ZFP36L1: variants seen among roughly 807,000 people sequenced by gnomAD.
ZFP36L1 encodes ZFP36 like 1 zinc finger CCCH-type, also known as mRNA decay activator protein ZFP36L1.
A neutral mutation model predicts 16.7 loss-of-function variants in ZFP36L1; 4 were observed. The ratio of observed to expected loss-of-function variants is 0.24; its 90% CI spans 0.12 to 0.55. The LOEUF (loss-of-function observed/expected upper bound fraction) is 0.55. Among genes scored for constraint, ZFP36L1 ranks in the 20% least tolerant of loss-of-function variants. The probability of loss-of-function intolerance (pLI) is 0.94; values close to 1 mark genes in which losing one functional copy is unlikely to be tolerated. For synonymous variants in ZFP36L1, 220 were observed against 190.8 expected, an observed-to-expected ratio of 1.15 and a Z score of -1.26; for missense variants, 311 against 449.2, an observed-to-expected ratio of 0.69 and a Z score of 2.78.
chr14:68,793,492 CTTG>C (rs1422384476), upstream of ZFP36L1: 14 of 986,812 alleles, frequency 1.4e-5, no homozygotes, highest in East Asian at 1.1e-4. Flanking sequence ...CTCCGGGGTT[CTTG>C]TTGTCATGTT....
Position 68,790,126 on chromosome 14 carries a change from G to C in ZFP36L1, c.424C>G (p.His142Asp). ...TGGCGGGTCAGGCTGCGGAGCTCGT[G>C]GATGCCGTGTGCGAACTGGCACTTG... ...GDKCQFAHGI[H>D]ELRSLTRHPK... The change falls in exon 2 of 2, where the codon CAC becomes GAC. Residue 142 changes from histidine (H) to aspartate (D), a missense_variant. Around this residue, in one of 4 missense-constraint regions of ZFP36L1, gnomAD observed 24 missense variants for 88.8 expected, o/e 0.27. Coordinates refer to ENST00000439696, the MANE Select transcript of ZFP36L1 (RefSeq NM_004926.4). 1 of 1,611,200 alleles carries C rather than the reference G, an allele frequency of 6.2e-7. No individual in the cohort carries two copies. Among genetic ancestry groups the C allele is most frequent in the Non-Finnish European group, 8.5e-7 (1 of 1,178,068 alleles).
intron 1 of ZFP36L1, among the ~76,000 whole-genome samples, chr14:68,791,782 G>A (rs1390267421): frequency 6.6e-6 from 1 of 151,832 alleles, no homozygotes; most frequent in African/African-American, 2.4e-5. Flanking sequence ...AGGGAGGGAA[G>A]GAAGCTGAAA....
At chr14:68,792,837 A>T in intron 1 of ZFP36L1, 45 bp downstream of exon 1, 1 of 1,612,946 alleles carries the variant, frequency 6.2e-7, no homozygotes, top group African/African-American at 1.3e-5. Flanking sequence ...TCTTAAGGCA[A>T]AAGAAAAAGA....
intron 1 of ZFP36L1, among the ~76,000 whole-genome samples, chr14:68,792,483 G>T (rs975459765): frequency 6.6e-6 from 1 of 152,244 alleles, no homozygotes; most frequent in South Asian, 2.1e-4. Flanking sequence ...CCCACGGGTG[G>T]GTAATGCCGC....
chr14:68,792,331 A>G (rs576485520), intron 1 of ZFP36L1, among the ~76,000 whole-genome samples: 2 of 152,322 alleles, frequency 1.3e-5, no homozygotes, highest in East Asian at 1.9e-4. Flanking sequence ...GGCGGACTCA[A>G]GCCCCACTGC....
At chr14:68,791,204 C>A in intron 1 of ZFP36L1, 2 of 590,214 alleles carry the variant, frequency 3.4e-6, no homozygotes, top group South Asian at 4.0e-5. Context: ...TCAGCCCTAG[C>A]CCACCCCGCC....
chr14:68,793,168 A>T (rs555944079), upstream of ZFP36L1: 3 of 1,183,284 alleles, frequency 2.5e-6, no homozygotes, highest in African/African-American at 5.1e-5. Flanking sequence ...GAGGAAAAAG[A>T]AGTTGATTGA....
chr14:68,796,080 C>T (rs769356740), upstream of ZFP36L1: 1 of 1,357,018 alleles, frequency 7.4e-7, no homozygotes, highest in Non-Finnish European at 9.8e-7. Flanking sequence ...CTCACCTGCA[C>T]TGCCGCTTCC....
chr14:68,795,993 T>C, upstream of ZFP36L1: 1 of 1,322,264 alleles, frequency 7.6e-7, no homozygotes, highest in Non-Finnish European at 1.0e-6. Context: ...GAGGCGTGCG[T>C]GGCCGTCCCC....
intron 1 of ZFP36L1, chr14:68,790,879 G>A: frequency 2.6e-6 from 1 of 378,660 alleles, no homozygotes; most frequent in Non-Finnish European, 5.0e-6. Context: ...CCCCGCCACC[G>A]CCCGCGACAA....
rs1895007143 is a variant in ZFP36L1 at position 68,789,495 on chromosome 14, G to C, written c.*38C>G. 2 of 1,611,762 alleles carry C rather than the reference G, an allele frequency of 1.2e-6. No homozygotes were observed. Among genetic ancestry groups the C allele is most frequent in the East Asian group, 4.5e-5 (2 of 44,882 alleles). Reference sequence around the variant, plus strand: ...GGGTATGGGATGTGGGTGCAGGGTAGGGGCTGGAGTAGGCAGGAGGTCCCT... The same window carrying C: ...GGGTATGGGATGTGGGTGCAGGGTACGGGCTGGAGTAGGCAGGAGGTCCCT... On this transcript the variant is annotated 3_prime_UTR_variant, in exon 2 of 2. Transcript: ENST00000439696. The surrounding 1 kb of genome is among the most constrained non-coding windows in gnomAD (Gnocchi z 4.5).
chr14:68,792,563 G>A (rs750871759), intron 1 of ZFP36L1, among the ~76,000 whole-genome samples: 6 of 152,218 alleles, frequency 3.9e-5, no homozygotes, highest in African/African-American at 4.8e-5. Context: ...AGCACGTTAC[G>A]TAAAACAGGA....
Position 68,789,389 on chromosome 14 carries a change from T to G in ZFP36L1, c.*144A>C. The G allele has an allele frequency of 2.4e-6, 3 of 1,263,270 alleles. No homozygotes were observed. The highest frequency in any genetic ancestry group is 2.9e-5 in the South Asian group (2 of 69,706). 78.3% of individuals were successfully genotyped at this position (1,263,270 alleles called of 1,614,324 possible). On this transcript the variant is annotated 3_prime_UTR_variant, in exon 2 of 2. Coordinates refer to ENST00000439696, the MANE Select transcript of ZFP36L1 (RefSeq NM_004926.4). The surrounding 1 kb of genome is among the most constrained non-coding windows in gnomAD (Gnocchi z 4.5). ...TTATGAGGGGGAGAGGGAGGGCACATTCTGAGGTGCTGGGGGAAAGGGGTT... is the reference window on the plus strand; with the variant it reads ...TTATGAGGGGGAGAGGGAGGGCACAGTCTGAGGTGCTGGGGGAAAGGGGTT...
In ZFP36L1 at chr14:68,793,017, T is replaced by A. The variant is rs533054542; in HGVS notation, c.-79A>T. 2.8e-5 allele frequency: 45 copies of A among 1,606,412 alleles called. No individual in the cohort carries two copies. Among genetic ancestry groups the A allele is most frequent in the Admixed American group, 6.7e-5 (4 of 59,908 alleles). On this transcript the variant is annotated 5_prime_UTR_variant, in exon 1 of 2. Coordinates refer to ENST00000439696, the MANE Select transcript of ZFP36L1 (RefSeq NM_004926.4). The stretch of plus-strand genomic sequence containing the variant: ...GGTGCGGGGAAGGCGCAGCCTCTCC[T>A]GTCTGGAGTCCCACACGCCAGTTCC...
chr14:68,789,419 T>A lies in ZFP36L1; in HGVS notation c.*114A>T. Reference sequence around the variant, plus strand: ...AGGTGCTGGGGGAAAGGGGTTGAGCTTAACCTTGTTAATGTAGGGCCTGTG... The same window carrying A: ...AGGTGCTGGGGGAAAGGGGTTGAGCATAACCTTGTTAATGTAGGGCCTGTG... On this transcript the variant is annotated 3_prime_UTR_variant, in exon 2 of 2. Transcript: ENST00000439696. The surrounding 1 kb of genome is among the most constrained non-coding windows in gnomAD (Gnocchi z 4.5). 1 of 1,511,832 alleles carries A rather than the reference T, an allele frequency of 6.6e-7. No individual in the cohort carries two copies. The highest frequency in any genetic ancestry group is 1.2e-5 in the South Asian group (1 of 81,946). The allele number at this position is 1,511,832 out of a possible 1,614,324, so 93.7% of individuals were successfully genotyped here.
At chr14:68,791,503 A>C (rs1281018312) in intron 1 of ZFP36L1, among the ~76,000 whole-genome samples, 3 of 152,072 alleles carry the variant, frequency 2.0e-5, no homozygotes, top group Non-Finnish European at 4.4e-5. Context: ...TTCCCAGCCC[A>C]TGTGGGTGTC....
In ZFP36L1 at chr14:68,789,511, G is replaced by A; in HGVS notation, c.*22C>T. ...TGCAGGGTAGGGGCTGGAGTAGGCA[G>A]GAGGTCCCTCCCTACCCTGGCTTAG... On this transcript the variant is annotated 3_prime_UTR_variant, in exon 2 of 2. Coordinates refer to ENST00000439696, the MANE Select transcript of ZFP36L1 (RefSeq NM_004926.4). This position sits in a 1 kb window ranked among gnomAD's most constrained non-coding sequence, Gnocchi z 4.5. 6.2e-7 allele frequency: 1 copy of A among 1,612,466 alleles called. No homozygotes were observed.
upstream of ZFP36L1, chr14:68,796,039 T>C: frequency 7.5e-7 from 1 of 1,332,734 alleles, no homozygotes. Flanking sequence ...CTCCCGCTCC[T>C]TACCCGCGCA....
intron 1 of ZFP36L1, chr14:68,791,148 T>A (rs1198627288): frequency 1.5e-6 from 1 of 687,010 alleles, no homozygotes; most frequent in South Asian, 1.5e-5. Flanking sequence ...TGCCCTAAGT[T>A]CCCGGAAGAG....
Sources: allele counts gnomAD v4.1 joint callset (sites outside exome capture counted in the v4.1 genomes callset), GRCh38; gene constraint gnomAD v4.1.1; regional missense constraint gnomAD v4.1.1; non-coding constraint Gnocchi (gnomAD v3.1); transcripts MANE v1.5; gene names NCBI Gene and HGNC (gene_info 2026-07-23, HGNC 2026-07-21).